The following ARHGAP17 variants were observed in gnomAD, a reference collection of about 807,000 sequenced individuals.
The protein encoded by ARHGAP17 is Rho GTPase activating protein 17.
In ARHGAP17, 57 loss-of-function variants were observed where a neutral mutation model predicts 99.5. That is an observed-to-expected ratio of 0.57 (90% CI 0.46 to 0.71). The LOEUF is 0.71. Among genes scored for constraint, ARHGAP17 ranks in the 30% least tolerant of loss-of-function variants. The pLI, the probability that ARHGAP17 is intolerant of heterozygous loss-of-function variation, is 0.00. For synonymous variants in ARHGAP17, 417 were observed against 429.6 expected (o/e 0.97, Z 0.36); for missense variants, 1,000 against 1,122.4 (o/e 0.89, Z 1.56).
At chr16:25,002,619 G>A (rs1056559292) in intron 1 of ARHGAP17, among the ~76,000 whole-genome samples, 1 of 152,142 alleles carries the variant, frequency 6.6e-6, no homozygotes, top group African/African-American at 2.4e-5. Context: ...AATCAACATC[G>A]CCTGGCTCTC....
At chr16:25,008,460 C>T (rs1597496870) in intron 1 of ARHGAP17, among the ~76,000 whole-genome samples, 2 of 152,146 alleles carry the variant, frequency 1.3e-5, no homozygotes, top group East Asian at 1.9e-4. Flanking sequence ...GGACTGTGGG[C>T]CTATTACACT....
At chr16:24,971,412 C>T (rs767421303) in intron 3 of ARHGAP17, among the ~76,000 whole-genome samples, 10 of 151,748 alleles carry the variant, frequency 6.6e-5, no homozygotes, top group Non-Finnish European at 1.5e-4. Context: ...TCACTGCAAC[C>T]GCCGCCTGCC....
intron 17 of ARHGAP17, among the ~76,000 whole-genome samples, chr16:24,938,948 C>T (rs566801790): frequency 3.3e-5 from 5 of 151,618 alleles, no homozygotes; most frequent in Admixed American, 1.3e-4. Flanking sequence ...AATCAATCAA[C>T]GAATGGGTGA....
rs2053760922 is a variant in ARHGAP17 at position 25,015,367 on chromosome 16, C to G, written c.-106G>C. 1.9e-6 allele frequency: 2 copies of G among 1,068,616 alleles called. No homozygotes were observed. The highest frequency in any genetic ancestry group is 2.4e-6 in the Non-Finnish European group (2 of 845,990). 66.2% of individuals were successfully genotyped at this position (1,068,616 alleles called of 1,614,324 possible). On this transcript the variant is annotated 5_prime_UTR_variant, in exon 1 of 20. Transcript: ENST00000289968. ...GGCCCAAACGGCGGCGCGGCGGTGG[C>G]TCCCCGGGCCGGCGGCCCCGCCCTC...
At chr16:24,937,190 G>A (rs1238278808) in intron 17 of ARHGAP17, among the ~76,000 whole-genome samples, 1 of 151,558 alleles carries the variant, frequency 6.6e-6, no homozygotes, top group African/African-American at 2.4e-5. Flanking sequence ...GGGAGGCCAA[G>A]GCAGGTGGAT....
At chr16:24,986,353 C>T (rs1036290186) in intron 1 of ARHGAP17, among the ~76,000 whole-genome samples, 98 of 151,570 alleles carry the variant, frequency 6.5e-4, no homozygotes, top group African/African-American at 2.3e-3. Flanking sequence ...GAGGGCCTGA[C>T]TAGCAAGGCC....
chr16:24,935,135 TC>T (rs1382862796), intron 18 of ARHGAP17, among the ~76,000 whole-genome samples: 1 of 152,014 alleles, frequency 6.6e-6, no homozygotes, highest in Non-Finnish European at 1.5e-5. Context: ...CAAAAGTGCC[TC>T]CCAGACCCAC....
At chr16:24,968,086 T>C (rs1323449493) in intron 6 of ARHGAP17, among the ~76,000 whole-genome samples, 3 of 152,168 alleles carry the variant, frequency 2.0e-5, no homozygotes, top group Admixed American at 2.0e-4. Context: ...ACTGCCACCA[T>C]CCCCTCTTCC....
rs2051768527 is a variant in ARHGAP17, at chr16:24,955,102, T to C, written c.725-372A>G. The C allele has an allele frequency of 5.6e-6, 1 of 178,338 alleles. No individual in the cohort carries two copies. The highest frequency in any genetic ancestry group is 1.2e-5 in the Non-Finnish European group (1 of 85,584). 11.0% of individuals were successfully genotyped at this position (178,338 alleles called of 1,614,324 possible). On this transcript the variant is annotated intron_variant, in intron 9 of 19. Coordinates refer to ENST00000289968, the MANE Select transcript of ARHGAP17 (RefSeq NM_001006634.3). This position sits in a 1 kb window ranked among gnomAD's most constrained non-coding sequence, Gnocchi z 4.0. ...CATACCGTTTCGTTGAAAAGAAATT[T>C]ATTCTAGCCATGCAAAGCCTTCTAG... is the stretch of plus-strand genomic sequence containing the variant.
chr16:25,000,794 T>C (rs989619734), intron 1 of ARHGAP17, among the ~76,000 whole-genome samples: 3 of 152,222 alleles, frequency 2.0e-5, no homozygotes, highest in Non-Finnish European at 4.4e-5. Flanking sequence ...CTAAAGTGCA[T>C]TGCAATTGTT....
rs2051107040 is a variant in ARHGAP17 at position 24,935,378 on chromosome 16, C to G, written c.1894+92G>C. Reference sequence around the variant, plus strand: ...ATTTTACAACAGACATAGAAAAGATCTGGCCACAAACCTCACCATCTGAAT... The same window carrying G: ...ATTTTACAACAGACATAGAAAAGATGTGGCCACAAACCTCACCATCTGAAT... On this transcript the variant is annotated intron_variant, in intron 18 of 19. Transcript: ENST00000289968. 3 of 1,376,686 alleles carry G rather than the reference C, an allele frequency of 2.2e-6. No homozygotes were observed. In the South Asian group the frequency reaches 4.3e-5, roughly 20 times the overall value. 85.3% of individuals were successfully genotyped at this position (1,376,686 alleles called of 1,614,324 possible). A position where few individuals can be genotyped will look rare whatever the true frequency, so the allele number is the denominator to read the frequency against.
intron 1 of ARHGAP17, among the ~76,000 whole-genome samples, chr16:24,985,451 T>A (rs1041760846): frequency 2.0e-5 from 3 of 152,056 alleles, no homozygotes; most frequent in Non-Finnish European, 2.9e-5. Context: ...GCTTCTTGAG[T>A]CTACCGCATT....
chr16:24,976,932 C>A (rs866038050), intron 3 of ARHGAP17, among the ~76,000 whole-genome samples: 15 of 152,346 alleles, frequency 9.8e-5, no homozygotes, highest in African/African-American at 3.6e-4. Flanking sequence ...TTTCTGCCAG[C>A]AAAAGATGCA....
chr16:24,943,748 A>G (rs761903825), intron 15 of ARHGAP17, 23 bp downstream of exon 15: 3 of 1,603,788 alleles, frequency 1.9e-6, no homozygotes, highest in Non-Finnish European at 2.6e-6. Context: ...TTTGGCGGTC[A>G]ATGAAACTGA....
intron 1 of ARHGAP17, among the ~76,000 whole-genome samples, chr16:24,997,066 C>T (rs1352081866): frequency 4.6e-5 from 7 of 152,240 alleles, no homozygotes; most frequent in Admixed American, 6.5e-5. Context: ...CAAGTCAATA[C>T]ACAACTTGGA....
intron 1 of ARHGAP17, among the ~76,000 whole-genome samples, chr16:25,010,391 T>C (rs2053614512): frequency 6.6e-6 from 1 of 152,154 alleles, no homozygotes; most frequent in Non-Finnish European, 1.5e-5. Context: ...GTTTCCATCT[T>C]TGTCAGAGAG....
intron 19 of ARHGAP17, among the ~76,000 whole-genome samples, chr16:24,924,328 G>C (rs2050787101): frequency 6.6e-6 from 1 of 151,832 alleles, no homozygotes; most frequent in South Asian, 2.1e-4. Flanking sequence ...AGAAGGGCTG[G>C]TCTTTGAGCA....
chr16:25,015,173 C>G (rs182708502), intron 1 of ARHGAP17, 36 bp downstream of exon 1: 15,098 of 1,268,174 alleles, frequency 0.012, 512 homozygotes, highest in African/African-American at 0.12. Context: ...CCGCCCCCAG[C>G]CCCGGTGCGA....
At chr16:24,961,518 A>T (rs868137485) in intron 7 of ARHGAP17, among the ~76,000 whole-genome samples, 38 of 81,504 alleles carry the variant, frequency 4.7e-4, no homozygotes, top group South Asian at 9.9e-4. Flanking sequence ...AAAAAAAAAA[A>T]TTTTTTTTTT....
Sources: allele counts gnomAD v4.1 joint callset (sites outside exome capture counted in the v4.1 genomes callset), GRCh38; gene constraint gnomAD v4.1.1; non-coding constraint Gnocchi (gnomAD v3.1); transcripts MANE v1.5; gene names NCBI Gene and HGNC (gene_info 2026-07-23, HGNC 2026-07-21).